Variants in ATOSA observed in about 807,000 individuals in gnomAD.
ATOSA encodes the protein atos homolog protein A.
At chr15:52,583,868 A>G in the ATOSA span, among the ~76,000 whole-genome samples, 1 of 152,134 alleles carries the variant, frequency 6.6e-6, no homozygotes, top group African/African-American at 2.4e-5. Context: ...TGAAAGAACT[A>G]ATTAAATAGA....
chr15:52,652,458 A>C, the ATOSA span, among the ~76,000 whole-genome samples: 1 of 152,220 alleles, frequency 6.6e-6, no homozygotes, highest in Non-Finnish European at 1.5e-5. Context: ...ACAAAAATTT[A>C]CAACAATCAG....
chr15:52,600,007 G>T, the ATOSA span: 2 of 474,466 alleles, frequency 4.2e-6, no homozygotes, highest in Non-Finnish European at 7.5e-6. Flanking sequence ...TAATTTCAAG[G>T]CTTGAAAAAA....
At chr15:52,637,935 T>C in the ATOSA span, among the ~76,000 whole-genome samples, 1 of 152,228 alleles carries the variant, frequency 6.6e-6, no homozygotes, top group Non-Finnish European at 1.5e-5. Flanking sequence ...TGTAATATAA[T>C]GTTACTTCTT....
chr15:52,655,359 T>C, the ATOSA span, among the ~76,000 whole-genome samples: 1 of 152,114 alleles, frequency 6.6e-6, no homozygotes, highest in Non-Finnish European at 1.5e-5. Context: ...AAAAATAGGA[T>C]TTGACTGCAA....
the ATOSA span, among the ~76,000 whole-genome samples, chr15:52,706,577 T>C: frequency 6.6e-6 from 1 of 152,210 alleles, no homozygotes; most frequent in East Asian, 1.9e-4. Context: ...TCCAAAAAAG[T>C]GATAGGGACA....
At chr15:52,623,845 T>G in the ATOSA span, among the ~76,000 whole-genome samples, 7 of 152,224 alleles carry the variant, frequency 4.6e-5, no homozygotes, top group African/African-American at 1.7e-4. Context: ...TGGGCATTCA[T>G]GTAATACAAC....
At chr15:52,694,665 T>C in the ATOSA span, among the ~76,000 whole-genome samples, 13 of 151,792 alleles carry the variant, frequency 8.6e-5, 1 homozygote, top group South Asian at 2.7e-3. Flanking sequence ...ATTTTTTTAA[T>C]TAAAAAAAAA....
At chr15:52,684,343 C>T in the ATOSA span, among the ~76,000 whole-genome samples, 18 of 152,174 alleles carry the variant, frequency 1.2e-4, no homozygotes, top group African/African-American at 3.4e-4. Context: ...GAGACCATCC[C>T]GGGCAACATA....
chr15:52,584,899 T>C, the ATOSA span: 3 of 1,613,164 alleles, frequency 1.9e-6, no homozygotes. Context: ...AAATCATATA[T>C]CACAACAAAC....
the ATOSA span, among the ~76,000 whole-genome samples, chr15:52,683,902 T>C: frequency 6.6e-6 from 1 of 152,224 alleles, no homozygotes; most frequent in Non-Finnish European, 1.5e-5. Flanking sequence ...TTCTGGACTT[T>C]GAAAGCCCAA....
the ATOSA span, among the ~76,000 whole-genome samples, chr15:52,629,922 C>T: frequency 6.6e-6 from 1 of 151,808 alleles, no homozygotes; most frequent in Admixed American, 6.6e-5. Context: ...GAAGTAGAAA[C>T]AATATACAGC....
chr15:52,613,236 C>T, the ATOSA span, among the ~76,000 whole-genome samples: 8 of 152,178 alleles, frequency 5.3e-5, no homozygotes, highest in Non-Finnish European at 8.8e-5. Context: ...TGTGGTGGCA[C>T]GCACCTGTAG....
At chr15:52,636,587 A>G in the ATOSA span, among the ~76,000 whole-genome samples, 2 of 152,260 alleles carry the variant, frequency 1.3e-5, no homozygotes, top group Non-Finnish European at 2.9e-5. Context: ...CTCACTAGAA[A>G]TAAAATCAGC....
At chr15:52,665,999 C>G in the ATOSA span, among the ~76,000 whole-genome samples, 1 of 152,020 alleles carries the variant, frequency 6.6e-6, no homozygotes, top group Non-Finnish European at 1.5e-5. Flanking sequence ...TTAATATGTA[C>G]GTACATTTAC....
At chr15:52,594,854 GA>G in the ATOSA span, among the ~76,000 whole-genome samples, 1 of 150,828 alleles carries the variant, frequency 6.6e-6, no homozygotes, top group African/African-American at 2.4e-5. Flanking sequence ...TTCTTTTTTT[GA>G]AAAAAGCCTT....
chr15:52,617,088 T>C, the ATOSA span, among the ~76,000 whole-genome samples: 10 of 152,184 alleles, frequency 6.6e-5, no homozygotes, highest in African/African-American at 2.4e-4. Context: ...ATGGGCTGAA[T>C]TGAAATTCAT....
At chr15:52,602,460 C>T in the ATOSA span, among the ~76,000 whole-genome samples, 10 of 152,070 alleles carry the variant, frequency 6.6e-5, no homozygotes, top group Non-Finnish European at 1.3e-4. Context: ...CCTCTAAGGT[C>T]ATCTTCAGTA....
the ATOSA span, among the ~76,000 whole-genome samples, chr15:52,602,098 G>T: frequency 2.6e-5 from 4 of 151,610 alleles, no homozygotes; most frequent in East Asian, 1.9e-4. Context: ...TGGCTTTTTC[G>T]TATTTTACTA....
the ATOSA span, among the ~76,000 whole-genome samples, chr15:52,640,038 G>A: frequency 6.6e-6 from 1 of 151,870 alleles, no homozygotes; most frequent in African/African-American, 2.4e-5. Flanking sequence ...GATTACAGGT[G>A]TGAGCCACCG....
Sources: allele counts gnomAD v4.1 joint callset (sites outside exome capture counted in the v4.1 genomes callset), GRCh38; gene constraint gnomAD v4.1.1; transcripts MANE v1.5; gene names NCBI Gene and HGNC (gene_info 2026-07-23, HGNC 2026-07-21).